SPATC1L: variants seen among roughly 807,000 people sequenced by gnomAD.
SPATC1L encodes spermatogenesis and centriole associated 1 like.
Under a neutral mutation model 21.2 loss-of-function variants are expected in SPATC1L, and 20 were observed. The ratio of observed to expected loss-of-function variants is 0.94; its 90% confidence interval spans 0.66 to 1.37. The LOEUF (loss-of-function observed/expected upper bound fraction) is 1.37, where lower values mean the gene tolerates loss of function less well. Ranked by LOEUF, SPATC1L falls within the 40% of genes most tolerant of loss-of-function variation. SPATC1L has a pLI of 0.00. For missense variants in SPATC1L, 499 were observed against 478.7 expected, an observed-to-expected ratio of 1.04 and a Z score of -0.40; for synonymous variants, 290 against 234.5, an observed-to-expected ratio of 1.24 and a Z score of -2.16.
At chr21:46,171,247 T>C (rs2079587743) in intron 2 of SPATC1L, among the ~76,000 whole-genome samples, 1 of 152,242 alleles carries the variant, frequency 6.6e-6, no homozygotes, top group Non-Finnish European at 1.5e-5. Flanking sequence ...TTATGGCTTA[T>C]GAAATTCTAT....
Position 46,168,478 on chromosome 21 carries a change from C to A in SPATC1L, c.374G>T (p.Ser125Ile). The A allele has an allele frequency of 6.3e-7, 1 of 1,575,246 alleles. No individual in the cohort carries two copies. ...KAFLSPPEPHSHRGTDRKLSP... is the reference protein window; with the variant it reads ...KAFLSPPEPHIHRGTDRKLSP... ...CAGCTTCCTGTCGGTGCCTCGGTGGCTATGTGGCTCTGGGGGACTGAGGAA... is the reference window on the plus strand; with the variant it reads ...CAGCTTCCTGTCGGTGCCTCGGTGGATATGTGGCTCTGGGGGACTGAGGAA... The change falls in exon 3 of 5, where the codon AGC (serine) becomes ATC (isoleucine). Residue 125 changes from serine to isoleucine, a missense_variant. Ser to Ile is a moderately radical substitution (Grantham distance 142). Transcript: ENST00000291672.
chr21:46,165,936 C>T (rs1000245231), intron 3 of SPATC1L, among the ~76,000 whole-genome samples: 3 of 152,130 alleles, frequency 2.0e-5, no homozygotes, highest in Non-Finnish European at 2.9e-5. Flanking sequence ...GTAGTTTCAG[C>T]GGTGAATTCT....
intron 3 of SPATC1L, among the ~76,000 whole-genome samples, chr21:46,164,954 G>A (rs115101217): frequency 0.11 from 16,031 of 152,062 alleles, 1,484 homozygotes; most frequent in African/African-American, 0.25. Context: ...CCAAAAACCT[G>A]TTCTTCAAAG....
Position 46,161,525 on chromosome 21 carries a change from C to A in SPATC1L, c.877G>T (p.Ala293Ser), listed in dbSNP as rs767153721. ...GCCGGGCTGCTGTGCAGGGGGTTGGCGCGCAGGTCGGGCCGCTGCTTCAGG... is the reference window on the plus strand; with the variant it reads ...GCCGGGCTGCTGTGCAGGGGGTTGGAGCGCAGGTCGGGCCGCTGCTTCAGG... ...GILKQRPDLR[A>S]NPLHSSPAAL... is the part of the protein sequence containing the mutation. The change falls in exon 5 of 5, where the codon GCC becomes TCC. Residue 293 changes from alanine to serine, a missense_variant. Ala to Ser is a moderately conservative substitution (Grantham distance 99). Coordinates refer to ENST00000291672, the MANE Select transcript of SPATC1L (RefSeq NM_001142854.2). 3 of 1,609,954 alleles carry A rather than the reference C, an allele frequency of 1.9e-6. No homozygotes were observed. In the South Asian group the frequency reaches 3.3e-5, roughly 18 times the overall value.
At chr21:46,162,160 AC>A (rs976437699) in intron 3 of SPATC1L, 93 bp from the exon 4 acceptor site, 6 of 1,325,600 alleles carry the variant, frequency 4.5e-6, no homozygotes, top group East Asian at 2.6e-5. Flanking sequence ...CGGCTCCTCC[AC>A]CCCCCTCCTC....
At chr21:46,166,358 C>T (rs2079540000) in intron 3 of SPATC1L, among the ~76,000 whole-genome samples, 1 of 149,296 alleles carries the variant, frequency 6.7e-6, no homozygotes, top group Non-Finnish European at 1.5e-5. Context: ...AAAGTGAGAC[C>T]CTGTCTCCAA....
chr21:46,167,333 A>C (rs1458628997), intron 3 of SPATC1L, among the ~76,000 whole-genome samples: 1 of 151,802 alleles, frequency 6.6e-6, no homozygotes, highest in African/African-American at 2.4e-5. Context: ...ATGAGTGCCT[A>C]TATCAAAAAA....
chr21:46,164,898 G>C (rs1216742067), intron 3 of SPATC1L, among the ~76,000 whole-genome samples: 3 of 151,834 alleles, frequency 2.0e-5, no homozygotes, highest in Admixed American at 2.0e-4. Context: ...TCTAGTATAG[G>C]TTCTAGAAAT....
intron 2 of SPATC1L, among the ~76,000 whole-genome samples, chr21:46,180,168 GGGGCC>G (rs2079661678): frequency 6.6e-6 from 1 of 152,256 alleles, no homozygotes; most frequent in Admixed American, 6.5e-5. Flanking sequence ...CTGCCTGCCT[GGGGCC>G]CCCACAGAAG....
At chr21:46,177,659 C>G (rs1375345400) in intron 2 of SPATC1L, among the ~76,000 whole-genome samples, 1 of 152,208 alleles carries the variant, frequency 6.6e-6, no homozygotes, top group Non-Finnish European at 1.5e-5. Context: ...TTAGTGGGAG[C>G]ATAAATTAGT....
intron 3 of SPATC1L, among the ~76,000 whole-genome samples, chr21:46,163,579 T>C (rs2079518475): frequency 1.3e-5 from 2 of 152,212 alleles, no homozygotes; most frequent in African/African-American, 4.8e-5. Context: ...TACCTCTTTG[T>C]TCCAGCACCA....
In SPATC1L at chr21:46,161,305, C is replaced by T. The variant is rs10188; in HGVS notation, c.*74G>A. 119,921 of 1,354,970 alleles carry T rather than the reference C, an allele frequency of 0.089. 5,906 individuals carry two copies. Among genetic ancestry groups the T allele is most frequent in the South Asian group, 0.12 (7,815 of 64,108 alleles). The allele number at this position is 1,354,970 out of a possible 1,614,324, so 83.9% of individuals were successfully genotyped here. ...CGCGGCCCTTTCCCCTCCGGGGGGA[C>T]GCGCAGGAGGCACCGCGGCCCCGGG... is the stretch of plus-strand genomic sequence containing the variant. On this transcript the variant is annotated 3_prime_UTR_variant, in exon 5 of 5. Transcript: ENST00000291672.
At chr21:46,181,444 T>C (rs1569005387) in intron 2 of SPATC1L, among the ~76,000 whole-genome samples, 1 of 152,176 alleles carries the variant, frequency 6.6e-6, no homozygotes, top group Non-Finnish European at 1.5e-5. Flanking sequence ...GTGGGGACGA[T>C]GCCATGGATT....
At position 46,182,784 on chromosome 21, in the gene SPATC1L, G is replaced by A. The variant is rs1456489395; in HGVS notation, c.33C>T (p.Leu11=). 2 of 1,545,748 alleles carry A rather than the reference G, an allele frequency of 1.3e-6. No homozygotes were observed. Among genetic ancestry groups the A allele is most frequent in the Non-Finnish European group, 1.7e-6 (2 of 1,145,034 alleles). Residue 11 remains leucine (L), a synonymous_variant, in exon 2 of 5, where the codon CTC becomes CTT. Coordinates refer to ENST00000291672, the MANE Select transcript of SPATC1L (RefSeq NM_001142854.2). ...TCTTCAGGTCCGCGTTCTCGCTCAG[G>A]AGCCGGCTCATCAGCTCGCCGCCTT... MAEGGELMSR[L]LSENADLKKQ...
chr21:46,182,549 A>ACCCTCGACTCCCGGGGAGCAGGCGT (rs1191549405), intron 2 of SPATC1L, 75 bp downstream of exon 2: 82 of 1,354,722 alleles, frequency 6.1e-5, no homozygotes, highest in South Asian at 2.8e-4. Context: ...GCTGGCCGCC[A>ACCCTCGACTCCCGGGGAGCAGGCGT]CCCTCGACTC....
rs765485479 is a variant in SPATC1L, at chr21:46,168,413, T to G, written c.439A>C (p.Lys147Gln). 3 of 1,613,040 alleles carry G rather than the reference T, an allele frequency of 1.9e-6. No homozygotes were observed. The South Asian group carries it at 3.3e-5, about 18-fold the overall frequency. The change falls in exon 3 of 5, where the codon AAG (lysine) becomes CAG (glutamine). Residue 147 changes from lysine to glutamine, a missense_variant. Physicochemically the swap from Lys to Gln is moderately conservative, Grantham distance 53. Coordinates refer to ENST00000291672, the MANE Select transcript of SPATC1L (RefSeq NM_001142854.2). ...ATCTCCCTGGGCTCCAGCAGGGTCTTGTCCACCAGTGAGTCTTGCAAGGGG... is the reference window on the plus strand; with the variant it reads ...ATCTCCCTGGGCTCCAGCAGGGTCTGGTCCACCAGTGAGTCTTGCAAGGGG... ...LSPLQDSLVD[K>Q]TLLEPREMVR... is the part of the protein sequence containing the mutation.
In SPATC1L at chr21:46,183,493, G is replaced by T; in HGVS notation, c.-677C>A. 1 of 159,160 alleles carries T rather than the reference G, an allele frequency of 6.3e-6. No homozygotes were observed. The highest frequency in any genetic ancestry group is 1.4e-5 in the Non-Finnish European group (1 of 72,710). 9.9% of individuals were successfully genotyped at this position (159,160 alleles called of 1,614,324 possible). The stretch of plus-strand genomic sequence containing the variant: ...GGAGACCAGCCTGGGGAGGAGACCA[G>T]CCTGCAGGGGAGACCAGCTTGCGGG... On this transcript the variant is annotated 5_prime_UTR_variant, in exon 2 of 5. The change creates a new upstream start codon in the 5' untranslated region. Transcript: ENST00000291672.
chr21:46,167,145 AAATTAAAC>A (rs2079547011), intron 3 of SPATC1L, among the ~76,000 whole-genome samples: 1 of 152,248 alleles, frequency 6.6e-6, no homozygotes, highest in South Asian at 2.1e-4. Flanking sequence ...CAACACATAG[AAATTAAAC>A]AATACGCTCC....
Position 46,168,363 on chromosome 21 carries a change from G to T in SPATC1L, c.489C>A (p.Phe163Leu), listed in dbSNP as rs199954331. The T allele has an allele frequency of 6.2e-7, 1 of 1,605,856 alleles. No homozygotes were observed. The highest frequency in any genetic ancestry group is 8.5e-7 in the Non-Finnish European group (1 of 1,173,736). The change falls in exon 3 of 5, where the codon TTC becomes TTA. Residue 163 changes from phenylalanine to leucine, a missense_variant. Coordinates refer to ENST00000291672, the MANE Select transcript of SPATC1L (RefSeq NM_001142854.2). The part of the protein sequence containing the change: ...REMVRPKKVC[F>L]SESSLPTGDR... ...CCCCGGTGGGCAGGCTGCTCTCCGA[G>T]AAACACACCTTCTTAGGCCGGACCA...
Sources: allele counts gnomAD v4.1 joint callset (sites outside exome capture counted in the v4.1 genomes callset), GRCh38; gene constraint gnomAD v4.1.1; transcripts MANE v1.5; gene names NCBI Gene and HGNC (gene_info 2026-07-23, HGNC 2026-07-21).